The following DYNLT1 variants were observed in gnomAD, a reference collection of about 807,000 sequenced individuals.
DYNLT1 encodes T-complex testis-specific protein 1 homolog.
In DYNLT1, 18 loss-of-function variants were observed where a neutral mutation model predicts 19.6. The observed-to-expected ratio is 0.92, with a 90% confidence interval of 0.64 to 1.36. The LOEUF is 1.36. Among genes scored for constraint, DYNLT1 ranks in the 40% most tolerant of loss-of-function variants. DYNLT1 has a pLI of 0.00. For missense variants in DYNLT1, 137 were observed against 139.3 expected, an observed-to-expected ratio of 0.98 and a Z score of 0.08; for synonymous variants, 56 against 44.0, an observed-to-expected ratio of 1.27 and a Z score of -1.07.
At chr6:158,644,135 C>T (rs773256577) in intron 1 of DYNLT1, among the ~76,000 whole-genome samples, 4 of 152,040 alleles carry the variant, frequency 2.6e-5, no homozygotes, top group Non-Finnish European at 5.9e-5. Flanking sequence ...TACTCATTCC[C>T]AGCGTTGCAG....
intron 2 of DYNLT1, 35 bp from the exon 3 acceptor site, chr6:158,637,929 C>G (rs763464849): frequency 3.8e-6 from 6 of 1,595,970 alleles, no homozygotes; most frequent in Non-Finnish European, 4.2e-6. Flanking sequence ...TCCCGGTTAA[C>G]CAAATGCACC....
In DYNLT1 at chr6:158,637,291, T is replaced by C. The variant is rs1297228630; in HGVS notation, c.194-86A>G. On this transcript the variant is annotated intron_variant, in intron 3 of 4. Transcript: ENST00000367089. ...CCACTTTTAGCAAACGTACAATGTA[T>C]GTAGCTCCACGTGGTTGATGTTCTC... The C allele has an allele frequency of 4.9e-6, 6 of 1,213,658 alleles. No individual in the cohort carries two copies. In the South Asian group the frequency reaches 5.4e-5, roughly 11 times the overall value. 75.2% of individuals were successfully genotyped at this position (1,213,658 alleles called of 1,614,324 possible).
At chr6:158,641,101 A>G (rs1225817229) in intron 2 of DYNLT1, among the ~76,000 whole-genome samples, 2 of 152,246 alleles carry the variant, frequency 1.3e-5, no homozygotes, top group Non-Finnish European at 2.9e-5. Context: ...ATGCAGTAAT[A>G]ATGCTATGTA....
intron 3 of DYNLT1, chr6:158,637,539 C>G (rs1277554874): frequency 1.5e-6 from 1 of 667,338 alleles, no homozygotes; most frequent in Non-Finnish European, 2.6e-6. Context: ...TTCACTTGTT[C>G]TAAAAGCATC....
intron 2 of DYNLT1, among the ~76,000 whole-genome samples, chr6:158,638,226 C>T (rs1787063068): frequency 6.6e-6 from 1 of 152,068 alleles, no homozygotes; most frequent in Non-Finnish European, 1.5e-5. Flanking sequence ...TTATCTACTA[C>T]TACCTAACAT....
intron 2 of DYNLT1, among the ~76,000 whole-genome samples, chr6:158,639,707 G>A (rs534487955): frequency 4.9e-4 from 74 of 152,302 alleles, no homozygotes; most frequent in Admixed American, 1.6e-3. Context: ...TTAAGACAGA[G>A]TCTTGCTCTG....
chr6:158,638,549 C>G (rs1787071032), intron 2 of DYNLT1, among the ~76,000 whole-genome samples: 1 of 151,916 alleles, frequency 6.6e-6, no homozygotes, highest in Non-Finnish European at 1.5e-5. Context: ...CTCAGCTTCC[C>G]TCCTGGGCTC....
Position 158,642,784 on chromosome 6 carries a change from GA to G in DYNLT1, c.28-1425del, listed in dbSNP as rs148096216. 699 of 152,284 alleles carry G rather than the reference GA, an allele frequency of 4.6e-3. 4 individuals are homozygous for G. The highest frequency in any genetic ancestry group is 0.016 in the African/African-American group (668 of 41,554). The allele number at this position is 152,284 out of a possible 1,614,324, so 9.4% of individuals were successfully genotyped here. A position where few individuals can be genotyped will look rare whatever the true frequency, so the allele number is the denominator to read the frequency against. On this transcript the variant is annotated intron_variant, in intron 1 of 4. Transcript: ENST00000367089. ...ATCACCTCCCATATGGTTACAGTAC[GA>G]AAAAGGTTGAGGGACATTTTAAAGA... is the stretch of plus-strand genomic sequence containing the variant.
At chr6:158,637,332 G>C in intron 3 of DYNLT1, 127 bp from the exon 4 acceptor site, 1 of 804,868 alleles carries the variant, frequency 1.2e-6, no homozygotes, top group Non-Finnish European at 2.0e-6. Context: ...AAATTATAGG[G>C]ACAGATTGCC....
chr6:158,641,093 G>C (rs912370242), intron 2 of DYNLT1, among the ~76,000 whole-genome samples: 4 of 152,144 alleles, frequency 2.6e-5, no homozygotes, highest in African/African-American at 9.7e-5. Flanking sequence ...TTGGTGATAT[G>C]CAGTAATAAT....
At chr6:158,644,184 G>A (rs565174856) in intron 1 of DYNLT1, among the ~76,000 whole-genome samples, 2 of 152,060 alleles carry the variant, frequency 1.3e-5, no homozygotes, top group Non-Finnish European at 2.9e-5. Context: ...GGGATGGCCG[G>A]GACGCCAGCC....
rs755796004 is a variant in DYNLT1 at position 158,637,872 on chromosome 6, C to G, written c.92G>C (p.Gly31Ala). ...VKEAIESAIG[G>A]NAYQHSKVNQ... Reference sequence around the variant, plus strand: ...CACTTTGCTGTGTTGATAAGCGTTACCACCAATTGCGCTTTCTATAGCCTA... The same window carrying G: ...CACTTTGCTGTGTTGATAAGCGTTAGCACCAATTGCGCTTTCTATAGCCTA... Residue 31 changes from glycine to alanine, a missense_variant, in exon 3 of 5, where the codon GGT becomes GCT. Gly to Ala is a moderately conservative substitution (Grantham distance 60, BLOSUM62 0). Transcript: ENST00000367089. The G allele has an allele frequency of 1.4e-5, 23 of 1,605,060 alleles. No individual in the cohort carries two copies. The highest frequency in any genetic ancestry group is 1.5e-5 in the Non-Finnish European group (18 of 1,179,988).
chr6:158,637,037 G>T (rs905991189), intron 4 of DYNLT1, 91 bp downstream of exon 4: 1 of 1,555,686 alleles, frequency 6.4e-7, no homozygotes, highest in African/African-American at 1.4e-5. Flanking sequence ...TGTTTTAAAA[G>T]GTGATAAACA....
At chr6:158,637,713 C>T (rs1320155310) in intron 3 of DYNLT1, 58 bp downstream of exon 3, 7 of 1,613,458 alleles carry the variant, frequency 4.3e-6, no homozygotes, top group Non-Finnish European at 5.9e-6. Context: ...ACTGGATGCC[C>T]CTCTGATCAG....
At chr6:158,637,728 A>T in intron 3 of DYNLT1, 43 bp downstream of exon 3, 1 of 1,613,932 alleles carries the variant, frequency 6.2e-7, no homozygotes, top group Non-Finnish European at 8.5e-7. Flanking sequence ...GATCAGTGTT[A>T]AAAAACCATC....
At chr6:158,644,303 G>C (rs1787275021) in intron 1 of DYNLT1, among the ~76,000 whole-genome samples, 1 of 151,882 alleles carries the variant, frequency 6.6e-6, no homozygotes, top group Non-Finnish European at 1.5e-5. Context: ...GCTGGGGCTG[G>C]GGCTGGGGTC....
chr6:158,640,011 T>G (rs909205968), intron 2 of DYNLT1, among the ~76,000 whole-genome samples: 5 of 152,168 alleles, frequency 3.3e-5, no homozygotes, highest in African/African-American at 1.2e-4. Context: ...CACTTGCTAA[T>G]TGAAAGCTGG....
intron 2 of DYNLT1, 141 bp from the exon 3 acceptor site, chr6:158,638,035 T>C: frequency 7.9e-7 from 1 of 1,271,734 alleles, no homozygotes; most frequent in Non-Finnish European, 1.1e-6. Context: ...AATATACTTT[T>C]AATAGCATTA....
At chr6:158,643,966 C>CT (rs1787244494) in intron 1 of DYNLT1, among the ~76,000 whole-genome samples, 2 of 151,862 alleles carry the variant, frequency 1.3e-5, no homozygotes, top group African/African-American at 2.4e-5. Context: ...TGACCGTGAG[C>CT]TTGAAGGAAA....
Sources: allele counts gnomAD v4.1 joint callset (sites outside exome capture counted in the v4.1 genomes callset), GRCh38; gene constraint gnomAD v4.1.1; transcripts MANE v1.5; gene names NCBI Gene and HGNC (gene_info 2026-07-23, HGNC 2026-07-21).